Variants in PLPPR4 observed in about 807,000 individuals in gnomAD.
PLPPR4 encodes the protein phospholipid phosphatase-related protein type 4.
PLPPR4 carries 24 observed loss-of-function variants against 56.6 expected under a neutral mutation model. The ratio of observed to expected loss-of-function variants is 0.42; its 90% CI spans 0.31 to 0.60. PLPPR4 has a LOEUF of 0.60. PLPPR4 is among the 20% of genes least tolerant of loss of function. The pLI, the probability that PLPPR4 is intolerant of heterozygous loss-of-function variation, is 0.13. For synonymous variants in PLPPR4, 326 were observed against 328.1 expected (o/e 0.99, Z 0.07); for missense variants, 654 against 885.8 (o/e 0.74, Z 3.32).
intron 3 of PLPPR4, 149 bp downstream of exon 3, chr1:99,297,016 A>G (rs946011992): frequency 1.1e-4 from 91 of 862,756 alleles, no homozygotes; most frequent in Non-Finnish European, 1.2e-4. Context: ...GAAACTGTTA[A>G]AACACCAAAA....
At chr1:99,291,657 G>A (rs1051627642) in intron 2 of PLPPR4, among the ~76,000 whole-genome samples, 12 of 152,290 alleles carry the variant, frequency 7.9e-5, no homozygotes, top group Non-Finnish European at 1.6e-4. Flanking sequence ...ATTATCTTTA[G>A]CAAACTAACA....
intron 3 of PLPPR4, among the ~76,000 whole-genome samples, chr1:99,297,361 G>A (rs1396530057): frequency 2.6e-5 from 4 of 152,028 alleles, no homozygotes; most frequent in Non-Finnish European, 1.5e-5. Context: ...AGCCCCTAAT[G>A]TTACCTTTCA....
chr1:99,270,801 A>G (rs890321028), intron 1 of PLPPR4, among the ~76,000 whole-genome samples: 7 of 152,230 alleles, frequency 4.6e-5, no homozygotes, highest in African/African-American at 1.4e-4. Context: ...TCTAGATTGT[A>G]TAGAAGTAGA....
chr1:99,279,834 G>A (rs1387438656), intron 1 of PLPPR4, among the ~76,000 whole-genome samples: 1 of 152,102 alleles, frequency 6.6e-6, no homozygotes, highest in African/African-American at 2.4e-5. Context: ...ATCCCAAGGA[G>A]GTTAAGAATT....
chr1:99,305,923 G>A lies in PLPPR4; in HGVS notation c.1061G>A (p.Arg354Gln), dbSNP rs1320410416. 3.1e-6 allele frequency: 5 copies of A among 1,614,000 alleles called. No homozygotes were observed. Among genetic ancestry groups the A allele is most frequent in the Non-Finnish European group, 4.2e-6 (5 of 1,179,990 alleles). Residue 354 changes from arginine (R) to glutamine (Q), a missense_variant, in exon 7 of 7, where the codon CGG (arginine) becomes CAG (glutamine). Arg to Gln is a conservative substitution (Grantham distance 43). Around this residue, in one of 2 missense-constraint regions of PLPPR4, gnomAD observed 468 missense variants for 554.3 expected, o/e 0.84. Transcript: ENST00000370185. ...GCTGATGTGGAAATCATTACTCCAC[G>A]GAGCCCCATGGGGAAGGAGAACATG... ...ANADVEIITPRSPMGKENMVT... is the reference protein window; with the variant it reads ...ANADVEIITPQSPMGKENMVT...
At chr1:99,290,874 T>C (rs1181613518) in intron 2 of PLPPR4, among the ~76,000 whole-genome samples, 1 of 152,080 alleles carries the variant, frequency 6.6e-6, no homozygotes, top group East Asian at 1.9e-4. Context: ...ATTCAAGTCA[T>C]AGGCACAGGC....
chr1:99,292,683 C>A (rs769082290), intron 2 of PLPPR4, among the ~76,000 whole-genome samples: 5 of 152,150 alleles, frequency 3.3e-5, no homozygotes, highest in Non-Finnish European at 5.9e-5. Flanking sequence ...AGGTAACCAA[C>A]TGGATGGTGA....
At chr1:99,269,997 T>TTTTG (rs1659009621) in intron 1 of PLPPR4, among the ~76,000 whole-genome samples, 2 of 134,474 alleles carry the variant, frequency 1.5e-5, no homozygotes, top group South Asian at 5.2e-4. Flanking sequence ...TTCATTCCTT[T>TTTTG]TGTGTGTGTG....
chr1:99,307,156 C>A lies in PLPPR4; in HGVS notation c.*146C>A. 1 of 927,470 alleles carries A rather than the reference C, an allele frequency of 1.1e-6. No individual in the cohort carries two copies. The highest frequency in any genetic ancestry group is 1.6e-6 in the Non-Finnish European group (1 of 620,100). The allele number at this position is 927,470 out of a possible 1,614,324, so 57.5% of individuals were successfully genotyped here. A position where few individuals can be genotyped will look rare whatever the true frequency, so the allele number is the denominator to read the frequency against. ...TCTGTAACTTTTCAGAACTGCTATA[C>A]TCAAACTTGCAGATCTCACATCAAG... On this transcript the variant is annotated 3_prime_UTR_variant, in exon 7 of 7. Transcript: ENST00000370185.
Position 99,307,390 on chromosome 1 carries a change from T to C in PLPPR4, c.*380T>C, listed in dbSNP as rs1570928323. On this transcript the variant is annotated 3_prime_UTR_variant, in exon 7 of 7. Transcript: ENST00000370185. ...TGTGGGAACCCAGAACACACACGTT[T>C]TCCCTACAGCAGAGGCCATGCAGTA... 4.7e-6 allele frequency: 1 copy of C among 212,160 alleles called. No homozygotes were observed. The highest frequency in any genetic ancestry group is 9.5e-6 in the Non-Finnish European group (1 of 104,964). The allele number at this position is 212,160 out of a possible 1,614,324, so 13.1% of individuals were successfully genotyped here.
intron 1 of PLPPR4, among the ~76,000 whole-genome samples, chr1:99,284,868 C>T (rs773082338): frequency 1.6e-4 from 24 of 151,936 alleles, no homozygotes; most frequent in Non-Finnish European, 1.9e-4. Flanking sequence ...GAAATCAGTA[C>T]GATTAGGCCC....
At chr1:99,263,182 G>T (rs570052305), upstream of PLPPR4, among the ~76,000 whole-genome samples, 1 of 152,290 alleles carries the variant, frequency 6.6e-6, no homozygotes, top group South Asian at 2.1e-4. Flanking sequence ...TCATGAGTTG[G>T]ATGTGAGACA....
chr1:99,301,928 A>G, intron 6 of PLPPR4, 31 bp downstream of exon 6: 1 of 1,499,708 alleles, frequency 6.7e-7, no homozygotes, highest in Non-Finnish European at 9.1e-7. Flanking sequence ...TTATAAGCCA[A>G]AGTTTAAAAT....
At chr1:99,303,244 G>A (rs1273812986) in intron 6 of PLPPR4, among the ~76,000 whole-genome samples, 1 of 152,106 alleles carries the variant, frequency 6.6e-6, no homozygotes, top group Non-Finnish European at 1.5e-5. Flanking sequence ...GGAAGGTGGG[G>A]GAACAGGAGG....
At chr1:99,299,519 C>A (rs1255866222) in intron 4 of PLPPR4, among the ~76,000 whole-genome samples, 7 of 151,948 alleles carry the variant, frequency 4.6e-5, no homozygotes, top group African/African-American at 1.7e-4. Context: ...TTTTAGGTTA[C>A]TATAAATGGT....
chr1:99,268,487 G>A (rs959729279), intron 1 of PLPPR4, among the ~76,000 whole-genome samples: 3 of 152,216 alleles, frequency 2.0e-5, no homozygotes, highest in Non-Finnish European at 4.4e-5. Flanking sequence ...TCTTGTCCTT[G>A]TTCACCACGA....
chr1:99,282,358 T>C (rs1373461602), intron 1 of PLPPR4, among the ~76,000 whole-genome samples: 2 of 152,198 alleles, frequency 1.3e-5, no homozygotes, highest in African/African-American at 4.8e-5. Flanking sequence ...GTACATGCTG[T>C]CTCATCTCTC....
rs1553193396 is a variant in PLPPR4, at chr1:99,301,685, C to T, written c.649-39C>T. 2.0e-5 allele frequency: 29 copies of T among 1,421,432 alleles called. No homozygotes were observed. The South Asian group carries it at 2.6e-4, about 13-fold the overall frequency. The allele number at this position is 1,421,432 out of a possible 1,614,324, so 88.1% of individuals were successfully genotyped here. On this transcript the variant is annotated intron_variant, in intron 5 of 6. Coordinates refer to ENST00000370185, the MANE Select transcript of PLPPR4 (RefSeq NM_014839.5). ...TGATTATAATTTACTAATAAAATGG[C>T]CTTTCTAACATACTTAACCCATTTC...
chr1:99,275,072 G>A (rs1475694209), intron 1 of PLPPR4, among the ~76,000 whole-genome samples: 4 of 151,950 alleles, frequency 2.6e-5, no homozygotes, highest in Admixed American at 2.0e-4. Flanking sequence ...TTATCCCTTG[G>A]GTGATGATCT....
Sources: gnomAD v4.1 joint callset for allele counts (sites outside exome capture counted in the v4.1 genomes callset) on GRCh38, gnomAD v4.1.1 for gene constraint, gnomAD v4.1.1 regional missense constraint, MANE v1.5 for transcripts, NCBI Gene and HGNC (gene_info 2026-07-23, HGNC 2026-07-21) for gene names.